Variants in RMND1 observed in about 807,000 individuals in gnomAD.
RMND1 encodes the protein required for meiotic nuclear division protein 1 homolog.
Under a neutral mutation model 54.0 loss-of-function variants are expected in RMND1, and 41 were observed. That is an observed-to-expected ratio of 0.76 (90% CI 0.59 to 0.98). The LOEUF is 0.98. Ranked by LOEUF, RMND1 falls within the 50% of genes least tolerant of loss-of-function variation. The pLI, the probability that RMND1 is intolerant of heterozygous loss-of-function variation, is 0.00. For missense variants in RMND1, 457 were observed against 532.0 expected (o/e 0.86, Z 1.39); for synonymous variants, 183 against 181.7 (o/e 1.01, Z -0.06).
chr6:151,409,960 CT>C (rs2114916044), intron 10 of RMND1, among the ~76,000 whole-genome samples: 1 of 152,222 alleles, frequency 6.6e-6, no homozygotes, highest in East Asian at 1.9e-4. Context: ...CTGTACTCAA[CT>C]TTTTAGCATG....
intron 1 of RMND1, chr6:151,446,134 C>T (rs1780946226): frequency 4.2e-6 from 1 of 240,876 alleles, no homozygotes. Flanking sequence ...ATATAAAAAT[C>T]TGTGCTGGCC....
intron 4 of RMND1, 129 bp downstream of exon 4, chr6:151,433,026 T>C (rs935962962): frequency 5.4e-6 from 3 of 560,196 alleles, no homozygotes; most frequent in Non-Finnish European, 9.5e-6. Context: ...AAGAATTAAA[T>C]GATAAATTTA....
At chr6:151,406,851 T>C (rs1239761577) in intron 10 of RMND1, among the ~76,000 whole-genome samples, 2 of 152,090 alleles carry the variant, frequency 1.3e-5, no homozygotes, top group African/African-American at 4.8e-5. Context: ...TTACGATTTT[T>C]GCACATAGCA....
In RMND1 at chr6:151,405,263, A is replaced by G. The variant is rs1779571142; in HGVS notation, c.1322T>C (p.Met441Thr). The G allele has an allele frequency of 1.2e-6, 2 of 1,612,624 alleles. No individual in the cohort carries two copies. Among genetic ancestry groups the G allele is most frequent in the African/African-American group, 1.3e-5 (1 of 74,886 alleles). Residue 441 changes from methionine to threonine, a missense_variant, in exon 12 of 12, where the codon ATG becomes ACG. Transcript: ENST00000444024. The stretch of plus-strand genomic sequence containing the variant: ...GAAAAATACTCGTCCCAGCTCAAAC[A>G]TTACCTTAGAATAGAAAGTGAGAAT... ...MIVILITIEV[M>T]FELGRVFF
At chr6:151,431,674 C>T (rs1005611358) in intron 4 of RMND1, among the ~76,000 whole-genome samples, 36 of 151,960 alleles carry the variant, frequency 2.4e-4, no homozygotes, top group African/African-American at 8.2e-4. Context: ...AACTGAGATG[C>T]GCTGTAAGTG....
At chr6:151,435,756 AT>A (rs931168293) in intron 3 of RMND1, among the ~76,000 whole-genome samples, 13 of 148,004 alleles carry the variant, frequency 8.8e-5, no homozygotes, top group Non-Finnish European at 1.6e-4. Flanking sequence ...GAGCTGGTAA[AT>A]TTTTTTTTTA....
rs1207860266 is a variant in RMND1, at chr6:151,443,218, C to T, written c.504+2090G>A. Among the ~76,000 whole-genome samples, 4 of 152,168 alleles carry T rather than the reference C, an allele frequency of 2.6e-5. No individual in the cohort carries two copies. The East Asian group carries it at 7.7e-4, about 29-fold the overall frequency. On this transcript the variant is annotated intron_variant, in intron 2 of 11. Transcript: ENST00000444024. ...GTCTTTGGTCCTGGGGACATATTAC[C>T]TAGTCATGCCAAGACTGCTTTCTCT...
intron 2 of RMND1, among the ~76,000 whole-genome samples, chr6:151,440,833 T>A (rs1427422614): frequency 6.6e-6 from 1 of 152,236 alleles, no homozygotes; most frequent in Non-Finnish European, 1.5e-5. Flanking sequence ...TGCTTTTTTT[T>A]CTTTATTAAA....
intron 10 of RMND1, among the ~76,000 whole-genome samples, chr6:151,415,533 T>C (rs1481759532): frequency 6.6e-6 from 1 of 152,056 alleles, no homozygotes; most frequent in Non-Finnish European, 1.5e-5. Flanking sequence ...TGGATCCAAG[T>C]TGAGGGCATT....
At chr6:151,434,423 T>TC (rs1433493621) in intron 3 of RMND1, among the ~76,000 whole-genome samples, 6 of 150,750 alleles carry the variant, frequency 4.0e-5, no homozygotes, top group Admixed American at 1.3e-4. Context: ...TTTTTTTTTT[T>TC]CTAAATTGTT....
intron 9 of RMND1, among the ~76,000 whole-genome samples, chr6:151,418,946 T>C (rs138033349): frequency 0.013 from 1,923 of 152,170 alleles, 34 homozygotes; most frequent in African/African-American, 0.044. Context: ...AATTTTGTAT[T>C]TTTAGTAAAG....
Position 151,445,562 on chromosome 6 carries a change from T to G in RMND1, c.250A>C (p.Asn84His), listed in dbSNP as rs770759427. ...TTTTCATCTTGGCAACGAGCAGCAT[T>G]TAATGGAGACAGCATGCTGGTATCT... ...KSDTSMLSPL[N>H]AARCQDEKAH... Residue 84 changes from asparagine to histidine, a missense_variant, in exon 2 of 12, where the codon AAT becomes CAT. Transcript: ENST00000444024. The G allele has an allele frequency of 1.2e-6, 2 of 1,614,230 alleles. No homozygotes were observed. The highest frequency in any genetic ancestry group is 1.7e-6 in the Non-Finnish European group (2 of 1,180,052).
At chr6:151,446,060 A>C (rs573020251) in intron 1 of RMND1, 198 of 426,322 alleles carry the variant, frequency 4.6e-4, no homozygotes, top group Admixed American at 3.6e-4. Context: ...AGCTACTGAC[A>C]TAACAAGAAC....
At chr6:151,419,774 T>C (rs937420611) in intron 9 of RMND1, among the ~76,000 whole-genome samples, 6 of 151,890 alleles carry the variant, frequency 4.0e-5, no homozygotes, top group African/African-American at 1.5e-4. Flanking sequence ...GGCTCTCTTA[T>C]GCTACCACAC....
intron 10 of RMND1, among the ~76,000 whole-genome samples, chr6:151,407,290 C>G (rs1313783258): frequency 2.0e-5 from 3 of 152,104 alleles, no homozygotes; most frequent in African/African-American, 7.2e-5. Context: ...TGCCTCTTCC[C>G]TCTTCCTTTC....
At chr6:151,430,015 T>C (rs1157979857) in intron 5 of RMND1, 123 bp downstream of exon 5, 7 of 645,978 alleles carry the variant, frequency 1.1e-5, no homozygotes, top group Non-Finnish European at 1.9e-5. Context: ...TATCATGTAA[T>C]GCAGAGCAAA....
rs150044718 is a variant in RMND1, at chr6:151,430,277, C to T, written c.690-100G>A. ...TAACTTCTAGAATGTATACAGGATGCGATTTTTCAAAATATGATGGTACTT... is the reference window on the plus strand; with the variant it reads ...TAACTTCTAGAATGTATACAGGATGTGATTTTTCAAAATATGATGGTACTT... On this transcript the variant is annotated intron_variant, in intron 4 of 11. Coordinates refer to ENST00000444024, the MANE Select transcript of RMND1 (RefSeq NM_017909.4). 695 of 778,656 alleles carry T rather than the reference C, an allele frequency of 8.9e-4. 3 individuals are homozygous for T. In the African/African-American group the frequency reaches 0.011, roughly 12 times the overall value. 48.2% of individuals were successfully genotyped at this position (778,656 alleles called of 1,614,324 possible).
chr6:151,423,200 C>A (rs1582951750), intron 7 of RMND1, among the ~76,000 whole-genome samples: 1 of 152,132 alleles, frequency 6.6e-6, no homozygotes. Context: ...TCACACAAGG[C>A]TGGGCTTCTC....
At chr6:151,433,952 CCA>C (rs1780524840) in intron 3 of RMND1, among the ~76,000 whole-genome samples, 3 of 139,096 alleles carry the variant, frequency 2.2e-5, no homozygotes, top group African/African-American at 8.2e-5. Context: ...CCCCCCCGCC[CCA>C]CCCACCTCAG....
Sources: allele counts gnomAD v4.1 joint callset (sites outside exome capture counted in the v4.1 genomes callset), GRCh38; gene constraint gnomAD v4.1.1; transcripts MANE v1.5; gene names NCBI Gene and HGNC (gene_info 2026-07-23, HGNC 2026-07-21).